Variants in KY observed in about 807,000 individuals in gnomAD.
The protein encoded by KY is kyphoscoliosis peptidase.
A neutral mutation model predicts 76.1 loss-of-function variants in KY; 43 were observed. The ratio of observed to expected loss-of-function variants is 0.57; its 90% CI spans 0.44 to 0.73. The LOEUF is 0.73. Ranked by LOEUF, KY falls within the 30% of genes least tolerant of loss-of-function variation. The probability of loss-of-function intolerance (pLI) is 0.00; values close to 1 mark genes in which losing one functional copy is unlikely to be tolerated. For missense variants in KY, 722 were observed against 828.9 expected (o/e 0.87, Z 1.58); for synonymous variants, 277 against 326.2 (o/e 0.85, Z 1.63).
rs4955535 is a variant in KY at position 134,604,314 on chromosome 3, A to G, written c.1251T>C (p.Phe417=). The change falls in exon 11 of 11, where the codon TTT becomes TTC. Residue 417 remains phenylalanine, a synonymous_variant. Coordinates refer to ENST00000423778, the MANE Select transcript of KY (RefSeq NM_178554.6). ...PTMGTHKLQI[F]AKGNSDIYSS... is the part of the protein sequence containing the mutation. ...TGTAGATGTCGGAGTTGCCCTTGGC[A>G]AAGATCTGCAGCTTGTGAGTGCCCA... The G allele has an allele frequency of 1, 1,613,201 of 1,614,018 alleles. 806,195 individuals are homozygous for G. Among genetic ancestry groups the G allele is most frequent in the East Asian group, 1 (44,857 of 44,858 alleles).
At chr3:134,642,938 G>A (rs1965941272) in intron 3 of KY, among the ~76,000 whole-genome samples, 1 of 152,188 alleles carries the variant, frequency 6.6e-6, no homozygotes, top group African/African-American at 2.4e-5. Flanking sequence ...TGTCAAACAG[G>A]GTTGCTGTGA....
chr3:134,648,101 G>A (rs1202629851), intron 1 of KY, among the ~76,000 whole-genome samples: 8 of 152,360 alleles, frequency 5.3e-5, no homozygotes, highest in East Asian at 3.9e-4. Flanking sequence ...AGTGGTAGCC[G>A]CAAGGTCGAG....
chr3:134,647,791 A>G (rs887663569), intron 1 of KY, among the ~76,000 whole-genome samples: 4 of 152,224 alleles, frequency 2.6e-5, no homozygotes, highest in Non-Finnish European at 5.9e-5. Flanking sequence ...TCCACTGCAT[A>G]CATATGAAAG....
At chr3:134,639,467 A>G (rs1965434245) in intron 3 of KY, among the ~76,000 whole-genome samples, 1 of 152,206 alleles carries the variant, frequency 6.6e-6, no homozygotes. Context: ...TAGGAACGGA[A>G]AACAAAGGAC....
chr3:134,619,295 G>A (rs1339621194), intron 7 of KY, 30 bp from the exon 8 acceptor site: 2 of 1,557,300 alleles, frequency 1.3e-6, no homozygotes, highest in South Asian at 2.2e-5. Flanking sequence ...ATCATGAAGA[G>A]CTTGAGCCTG....
At chr3:134,610,482 G>T in intron 8 of KY, 99 bp from the exon 9 acceptor site, 1 of 982,862 alleles carries the variant, frequency 1.0e-6, no homozygotes. Context: ...CTGCCCATCA[G>T]TCCTCCCTGT....
intron 3 of KY, among the ~76,000 whole-genome samples, chr3:134,634,863 C>G (rs1964715549): frequency 6.6e-6 from 1 of 152,162 alleles, no homozygotes; most frequent in African/African-American, 2.4e-5. Context: ...CCCATGTATA[C>G]TGAGGGGTGA....
intron 3 of KY, among the ~76,000 whole-genome samples, chr3:134,637,422 T>G (rs1404406847): frequency 6.6e-6 from 1 of 152,164 alleles, no homozygotes; most frequent in East Asian, 1.9e-4. Flanking sequence ...AAAAATGAAT[T>G]GAGAAACATG....
At chr3:134,612,356 G>A (rs555616360) in intron 8 of KY, among the ~76,000 whole-genome samples, 3 of 152,350 alleles carry the variant, frequency 2.0e-5, no homozygotes, top group African/African-American at 7.2e-5. Context: ...AGTAGCTGAG[G>A]AGACCGTGGA....
chr3:134,617,765 G>C (rs1961829594), intron 8 of KY, among the ~76,000 whole-genome samples: 1 of 152,194 alleles, frequency 6.6e-6, no homozygotes, highest in Non-Finnish European at 1.5e-5. Flanking sequence ...CTGGAGCGGG[G>C]CCTGGAAGGA....
At chr3:134,624,351 T>C (rs1227039054) in intron 6 of KY, among the ~76,000 whole-genome samples, 1 of 152,236 alleles carries the variant, frequency 6.6e-6, no homozygotes, top group Non-Finnish European at 1.5e-5. Context: ...CATCTGGCTT[T>C]CTTGATCCAT....
At chr3:134,645,393 A>T (rs1413405462) in intron 2 of KY, among the ~76,000 whole-genome samples, 1 of 152,124 alleles carries the variant, frequency 6.6e-6, no homozygotes, top group Admixed American at 6.5e-5. Flanking sequence ...ATCTGTGTGC[A>T]CTCCACCAGC....
chr3:134,614,227 T>C (rs577532471), intron 8 of KY, among the ~76,000 whole-genome samples: 28 of 152,162 alleles, frequency 1.8e-4, no homozygotes, highest in Non-Finnish European at 3.1e-4. Context: ...ACTAGAAACA[T>C]TTCCACCTCC....
chr3:134,607,393 T>C, intron 10 of KY: 1 of 985,602 alleles, frequency 1.0e-6, no homozygotes, highest in Non-Finnish European at 1.2e-6. Flanking sequence ...CAATGTGGGT[T>C]GGAGCTCCCC....
intron 2 of KY, among the ~76,000 whole-genome samples, chr3:134,646,599 A>G (rs1966469625): frequency 6.6e-6 from 1 of 152,096 alleles, no homozygotes; most frequent in South Asian, 2.1e-4. Flanking sequence ...TTTCCCTTTC[A>G]TTATTGTCAG....
intron 4 of KY, among the ~76,000 whole-genome samples, chr3:134,628,601 C>T (rs879583981): frequency 2.6e-5 from 4 of 152,218 alleles, no homozygotes; most frequent in Non-Finnish European, 4.4e-5. Flanking sequence ...TTCACACCTA[C>T]ATTTTTTTCC....
At chr3:134,607,580 G>A (rs1469127533) in intron 10 of KY, 3 of 985,496 alleles carry the variant, frequency 3.0e-6, no homozygotes, top group Non-Finnish European at 3.6e-6. Flanking sequence ...TGCCCAGGCT[G>A]TGTGCCCAGC....
At chr3:134,615,081 G>C (rs1031137804) in intron 8 of KY, 2 of 152,198 alleles carry the variant, frequency 1.3e-5, no homozygotes, top group African/African-American at 4.8e-5. Flanking sequence ...TAATCTGACA[G>C]TGTGTTTATA....
intron 2 of KY, among the ~76,000 whole-genome samples, chr3:134,646,762 TGGGGCTCTGGGAGTAGA>T (rs1008391659): frequency 6.6e-6 from 1 of 152,194 alleles, no homozygotes; most frequent in African/African-American, 2.4e-5. Flanking sequence ...AGTTCTCTAC[TGGGGCTCTGGGAGTAGA>T]GGTTTGGTCT....
Sources: gnomAD v4.1 joint callset for allele counts (sites outside exome capture counted in the v4.1 genomes callset) on GRCh38, gnomAD v4.1.1 for gene constraint, MANE v1.5 for transcripts, NCBI Gene and HGNC (gene_info 2026-07-23, HGNC 2026-07-21) for gene names.